The following RBFOX1 variants were observed in gnomAD, a reference collection of about 807,000 sequenced individuals.
The protein encoded by RBFOX1 is RNA binding fox-1 homolog 1.
Under a neutral mutation model 57.7 loss-of-function variants are expected in RBFOX1, and 8 were observed. That is an observed-to-expected ratio of 0.14 (90% confidence interval 0.08 to 0.25). The LOEUF (loss-of-function observed/expected upper bound fraction) is 0.25, where lower values mean the gene tolerates loss of function less well. Ranked by LOEUF, RBFOX1 falls within the 10% of genes least tolerant of loss-of-function variation. The pLI is 1.00. For missense variants in RBFOX1, 611 were observed against 548.5 expected (o/e 1.11, Z -1.14); for synonymous variants, 326 against 222.4 (o/e 1.47, Z -4.15).
chr16:7,294,619 T>G (rs2095855678), intron 4 of RBFOX1, among the ~76,000 whole-genome samples: 4 of 151,668 alleles, frequency 2.6e-5, no homozygotes, highest in Admixed American at 2.6e-4. Context: ...TCTAATTGAG[T>G]AAGGACAAGA....
intron 2 of RBFOX1, among the ~76,000 whole-genome samples, chr16:6,370,054 T>G (rs144379816): frequency 1.3e-5 from 2 of 152,076 alleles, no homozygotes; most frequent in South Asian, 4.1e-4. Flanking sequence ...GATCTTGACA[T>G]TTTTTTAAGA....
At chr16:6,629,993 G>A (rs1213168730) in intron 2 of RBFOX1, among the ~76,000 whole-genome samples, 3 of 133,146 alleles carry the variant, frequency 2.3e-5, no homozygotes, top group Non-Finnish European at 4.7e-5. Context: ...AAAGACCATT[G>A]CTTTCAGAAG....
intron 4 of RBFOX1, among the ~76,000 whole-genome samples, chr16:7,473,291 T>A (rs1010213076): frequency 3.3e-5 from 5 of 151,738 alleles, no homozygotes; most frequent in African/African-American, 1.2e-4. Flanking sequence ...GGCATGAGAA[T>A]TGCTTGAACT....
chr16:6,912,560 T>G (rs1308577130), intron 3 of RBFOX1, among the ~76,000 whole-genome samples: 1 of 152,160 alleles, frequency 6.6e-6, no homozygotes, highest in African/African-American at 2.4e-5. Context: ...CTTTTCTCTT[T>G]GTTTCTTTTA....
chr16:6,395,732 C>T (rs979240986), intron 2 of RBFOX1, among the ~76,000 whole-genome samples: 3 of 152,018 alleles, frequency 2.0e-5, no homozygotes, highest in Non-Finnish European at 4.4e-5. Context: ...ATTAAATGTG[C>T]AATTTATTGT....
intron 4 of RBFOX1, among the ~76,000 whole-genome samples, chr16:7,441,320 G>A (rs914871864): frequency 6.6e-6 from 1 of 152,172 alleles, no homozygotes; most frequent in African/African-American, 2.4e-5. Context: ...AGTTCCATTT[G>A]AGATGGTGAA....
At position 6,972,916 on chromosome 16, in the gene RBFOX1, G is replaced by C. The variant is rs149720245; in HGVS notation, c.-15-79141G>C. ...AAGTGGGTGGATCACTTGAGGTCAG[G>C]AGTTCGAGGCCAACTTGGCCAACAT... On this transcript the variant is annotated intron_variant, in intron 3 of 15. Transcript: ENST00000550418. Among the ~76,000 whole-genome samples, 1,210 of 152,250 alleles carry C rather than the reference G, an allele frequency of 7.9e-3. 18 individuals carry two copies. The highest frequency in any genetic ancestry group is 0.027 in the African/African-American group (1,121 of 41,544).
At chr16:7,464,303 A>G (rs9928793) in intron 4 of RBFOX1, among the ~76,000 whole-genome samples, 3 of 152,214 alleles carry the variant, frequency 2.0e-5, no homozygotes, top group African/African-American at 4.8e-5. Flanking sequence ...CATTAGTCAC[A>G]TCCAGAAACA....
intron 3 of RBFOX1, among the ~76,000 whole-genome samples, chr16:6,860,629 A>G (rs1417491561): frequency 2.0e-5 from 3 of 152,218 alleles, no homozygotes; most frequent in Admixed American, 2.0e-4. Context: ...GAAGACAACA[A>G]TCAACCAGAC....
intron 4 of RBFOX1, among the ~76,000 whole-genome samples, chr16:7,165,322 C>T (rs926313208): frequency 1.3e-5 from 2 of 150,904 alleles, no homozygotes; most frequent in African/African-American, 2.4e-5. Context: ...CTGGAATGGG[C>T]TGTGCCCACC....
intron 3 of RBFOX1, among the ~76,000 whole-genome samples, chr16:5,750,054 T>C (rs887939771): frequency 6.6e-6 from 1 of 152,220 alleles, no homozygotes; most frequent in African/African-American, 2.4e-5. Flanking sequence ...GGTGTGGATG[T>C]CCTTTCTGTT....
At chr16:6,568,092 T>C (rs553482282) in intron 2 of RBFOX1, among the ~76,000 whole-genome samples, 1 of 152,328 alleles carries the variant, frequency 6.6e-6, no homozygotes, top group East Asian at 1.9e-4. Context: ...ACAGTGCAGC[T>C]TTACGGGTAA....
chr16:6,756,872 G>C (rs1226402177), intron 3 of RBFOX1, among the ~76,000 whole-genome samples: 1 of 152,014 alleles, frequency 6.6e-6, no homozygotes, highest in Non-Finnish European at 1.5e-5. Context: ...CTCCTTGGGA[G>C]GCTGAGGCAG....
At chr16:6,643,858 G>A (rs1477930508) in intron 2 of RBFOX1, among the ~76,000 whole-genome samples, 2 of 152,064 alleles carry the variant, frequency 1.3e-5, no homozygotes, top group African/African-American at 4.8e-5. Flanking sequence ...GAGCACGCTG[G>A]GTCATGCCTG....
At chr16:7,175,424 G>C (rs1218895886) in intron 4 of RBFOX1, among the ~76,000 whole-genome samples, 2 of 152,202 alleles carry the variant, frequency 1.3e-5, no homozygotes, top group Admixed American at 6.5e-5. Flanking sequence ...GCAGGGGCCT[G>C]AAGTGGGAGA....
chr16:6,712,264 C>G (rs536358316), intron 3 of RBFOX1, among the ~76,000 whole-genome samples: 2 of 152,122 alleles, frequency 1.3e-5, no homozygotes, highest in Admixed American at 6.5e-5. Context: ...CCTTAAGTGT[C>G]AATGCCATCA....
intron 4 of RBFOX1, among the ~76,000 whole-genome samples, chr16:7,266,378 C>T (rs988099313): frequency 3.3e-5 from 5 of 152,266 alleles, no homozygotes; most frequent in African/African-American, 7.2e-5. Context: ...CCTCACTTTC[C>T]GCCATGACGA....
chr16:6,262,582 A>G (rs562508389), intron 1 of RBFOX1, among the ~76,000 whole-genome samples: 4 of 152,318 alleles, frequency 2.6e-5, no homozygotes, highest in Admixed American at 1.3e-4. Context: ...GGATTGCAAC[A>G]TCTTTCCCAA....
At chr16:6,352,572 A>G (rs17526976) in intron 2 of RBFOX1, among the ~76,000 whole-genome samples, 3 of 152,078 alleles carry the variant, frequency 2.0e-5, no homozygotes, top group Non-Finnish European at 4.4e-5. Flanking sequence ...GAGATAGCAA[A>G]ACAAAAAAAC....
Sources: gnomAD v4.1 joint callset for allele counts (sites outside exome capture counted in the v4.1 genomes callset) on GRCh38, gnomAD v4.1.1 for gene constraint, MANE v1.5 for transcripts, NCBI Gene and HGNC (gene_info 2026-07-23, HGNC 2026-07-21) for gene names.